SUSD4: variants seen among roughly 807,000 people sequenced by gnomAD.
SUSD4 encodes sushi domain containing 4, also known as sushi domain-containing protein 4.
A neutral mutation model predicts 50.5 loss-of-function variants in SUSD4; 41 were observed. The ratio of observed to expected loss-of-function variants is 0.81; its 90% confidence interval spans 0.63 to 1.05. SUSD4 has a LOEUF of 1.05. Among genes scored for constraint, SUSD4 ranks in the 50% least tolerant of loss-of-function variants. The probability of loss-of-function intolerance (pLI) is 0.00; values close to 1 mark genes in which losing one functional copy is unlikely to be tolerated. For missense variants in SUSD4, 580 were observed against 634.7 expected, an observed-to-expected ratio of 0.91 and a Z score of 0.93; for synonymous variants, 257 against 257.3, an observed-to-expected ratio of 1.00 and a Z score of 0.01.
chr1:223,275,373 T>C (rs1252209642), intron 3 of SUSD4, among the ~76,000 whole-genome samples: 1 of 152,244 alleles, frequency 6.6e-6, no homozygotes, highest in East Asian at 1.9e-4. Flanking sequence ...CCAATTTTAA[T>C]TATTTTATCT....
intron 3 of SUSD4, among the ~76,000 whole-genome samples, chr1:223,278,607 C>T (rs1307018575): frequency 6.6e-6 from 1 of 152,250 alleles, no homozygotes; most frequent in African/African-American, 2.4e-5. Flanking sequence ...TCAAGGAGGC[C>T]TGCCTGCCTC....
At chr1:223,280,079 G>A (rs1571958764) in intron 3 of SUSD4, among the ~76,000 whole-genome samples, 2 of 152,264 alleles carry the variant, frequency 1.3e-5, no homozygotes, top group South Asian at 4.1e-4. Context: ...AAGAGCTCCT[G>A]AAGGAAGCAC....
intron 4 of SUSD4, among the ~76,000 whole-genome samples, chr1:223,266,738 G>A (rs1662517447): frequency 6.6e-6 from 1 of 152,222 alleles, no homozygotes; most frequent in African/African-American, 2.4e-5. Context: ...TGGATCTATA[G>A]GTGCAAATAC....
At chr1:223,338,429 C>A (rs1321026738) in intron 2 of SUSD4, among the ~76,000 whole-genome samples, 1 of 152,180 alleles carries the variant, frequency 6.6e-6, no homozygotes, top group African/African-American at 2.4e-5. Flanking sequence ...AGGAGAGAGG[C>A]AGGGTGCGTG....
chr1:223,292,346 C>T, intron 3 of SUSD4, 93 bp downstream of exon 3: 1 of 1,378,500 alleles, frequency 7.3e-7, no homozygotes, highest in East Asian at 2.3e-5. Context: ...GAGAGAAGAG[C>T]CCAGGGTATT....
intron 6 of SUSD4, among the ~76,000 whole-genome samples, chr1:223,228,058 T>G (rs902768766): frequency 3.3e-5 from 5 of 152,218 alleles, no homozygotes; most frequent in African/African-American, 1.2e-4. Context: ...TGGGCATCTC[T>G]CTTGCCTGGA....
At chr1:223,316,777 A>G (rs1398196641) in intron 2 of SUSD4, among the ~76,000 whole-genome samples, 3 of 152,148 alleles carry the variant, frequency 2.0e-5, no homozygotes, top group African/African-American at 7.2e-5. Context: ...TTAGTAGGTC[A>G]CAGGGCAGGA....
At chr1:223,336,889 C>T (rs1667487206) in intron 2 of SUSD4, among the ~76,000 whole-genome samples, 1 of 152,084 alleles carries the variant, frequency 6.6e-6, no homozygotes, top group Non-Finnish European at 1.5e-5. Flanking sequence ...ACTCATGACT[C>T]CAGCCCACCT....
intron 2 of SUSD4, among the ~76,000 whole-genome samples, chr1:223,336,053 A>C (rs552626122): frequency 6.6e-6 from 1 of 151,898 alleles, no homozygotes; most frequent in South Asian, 2.1e-4. Flanking sequence ...TTTTTGGCCC[A>C]GGAGTAATAA....
intron 3 of SUSD4, among the ~76,000 whole-genome samples, chr1:223,288,098 GCT>G (rs143479569): frequency 0.023 from 3,460 of 152,278 alleles, 71 homozygotes; most frequent in Non-Finnish European, 0.035. Context: ...ATATGGTTTG[GCT>G]CTGTGTTCCC....
At chr1:223,233,329 G>A (rs1234680435) in intron 5 of SUSD4, among the ~76,000 whole-genome samples, 1 of 152,104 alleles carries the variant, frequency 6.6e-6, no homozygotes, top group East Asian at 1.9e-4. Flanking sequence ...GAGGGTAGGG[G>A]GTGGGAGCGT....
intron 3 of SUSD4, 96 bp downstream of exon 3, chr1:223,292,343 G>T: frequency 7.4e-7 from 1 of 1,345,586 alleles, no homozygotes; most frequent in Non-Finnish European, 1.1e-6. Context: ...TCAGAGAGAA[G>T]AGCCCAGGGT....
intron 2 of SUSD4, among the ~76,000 whole-genome samples, chr1:223,354,388 C>T (rs548995345): frequency 9.3e-5 from 14 of 150,644 alleles, no homozygotes; most frequent in East Asian, 3.9e-4. Context: ...ATGCTATAAA[C>T]GGAAGAATGA....
intron 3 of SUSD4, among the ~76,000 whole-genome samples, chr1:223,276,580 T>C (rs1157635312): frequency 6.6e-6 from 1 of 152,370 alleles, no homozygotes; most frequent in East Asian, 1.9e-4. Flanking sequence ...TCCTATGGAT[T>C]TTCTTTCCCT....
At chr1:223,273,716 T>G (rs1571942034) in intron 3 of SUSD4, among the ~76,000 whole-genome samples, 1 of 152,370 alleles carries the variant, frequency 6.6e-6, no homozygotes, top group South Asian at 2.1e-4. Flanking sequence ...ATTAAAACTC[T>G]GGACACTAAA....
intron 5 of SUSD4, among the ~76,000 whole-genome samples, chr1:223,245,446 G>A (rs1452943835): frequency 1.3e-5 from 2 of 152,012 alleles, no homozygotes; most frequent in Non-Finnish European, 2.9e-5. Flanking sequence ...AGAGAGGATG[G>A]CACATGTGAA....
chr1:223,356,774 G>A (rs1668691061), intron 2 of SUSD4, among the ~76,000 whole-genome samples: 1 of 152,066 alleles, frequency 6.6e-6, no homozygotes, highest in African/African-American at 2.4e-5. Context: ...ATCTCACTGA[G>A]GACGTCTCTT....
chr1:223,256,594 T>TAGCACCTCTCCC (rs1661709124), intron 5 of SUSD4, among the ~76,000 whole-genome samples: 1 of 152,180 alleles, frequency 6.6e-6, no homozygotes, highest in Non-Finnish European at 1.5e-5. Context: ...GAAGCTCTCC[T>TAGCACCTCTCCC]AGCACCTCTC....
At chr1:223,235,824 AT>A (rs1660181887) in intron 5 of SUSD4, among the ~76,000 whole-genome samples, 1 of 152,224 alleles carries the variant, frequency 6.6e-6, no homozygotes, top group Admixed American at 6.5e-5. Context: ...CTGCTATAAC[AT>A]TTGTGTGCAG....
Sources: gnomAD v4.1 joint callset for allele counts (sites outside exome capture counted in the v4.1 genomes callset) on GRCh38, gnomAD v4.1.1 for gene constraint, MANE v1.5 for transcripts, NCBI Gene and HGNC (gene_info 2026-07-23, HGNC 2026-07-21) for gene names.